Variants in CDH13 observed in about 807,000 individuals in gnomAD.
The protein encoded by CDH13 is cadherin 13, also known as cadherin-13.
In CDH13, 24 loss-of-function variants were observed where a neutral mutation model predicts 63.8. The ratio of observed to expected loss-of-function variants is 0.38; its 90% CI spans 0.27 to 0.53. The LOEUF (loss-of-function observed/expected upper bound fraction) is 0.53. CDH13 is among the 20% of genes least tolerant of loss of function. The pLI is 0.85. For synonymous variants in CDH13, 503 were observed against 355.3 expected (o/e 1.42, Z -4.67); for missense variants, 1,049 against 903.1 (o/e 1.16, Z -2.07).
At chr16:83,510,483 C>T (rs865883854) in intron 7 of CDH13, among the ~76,000 whole-genome samples, 6 of 152,120 alleles carry the variant, frequency 3.9e-5, no homozygotes, top group Admixed American at 1.3e-4. Flanking sequence ...TTTTCTTTTG[C>T]AAAGTTTTCA....
intron 7 of CDH13, among the ~76,000 whole-genome samples, chr16:83,593,057 C>T (rs1411172024): frequency 6.6e-6 from 1 of 152,184 alleles, no homozygotes; most frequent in African/African-American, 2.4e-5. Context: ...GACAACAACT[C>T]GTTCTGCTTC....
intron 1 of CDH13, among the ~76,000 whole-genome samples, chr16:82,708,765 C>T (rs537593263): frequency 1.3e-5 from 2 of 152,186 alleles, no homozygotes; most frequent in East Asian, 1.9e-4. Context: ...AATGGAGAAG[C>T]TGTCAGTTTT....
chr16:83,472,482 C>G (rs527653963), intron 6 of CDH13, among the ~76,000 whole-genome samples: 1 of 152,296 alleles, frequency 6.6e-6, no homozygotes, highest in South Asian at 2.1e-4. Flanking sequence ...GCCCCGGGAG[C>G]TGGCTTGTAG....
chr16:82,787,417 A>T (rs1255466072), intron 1 of CDH13, among the ~76,000 whole-genome samples: 1 of 152,192 alleles, frequency 6.6e-6, no homozygotes, highest in Non-Finnish European at 1.5e-5. Context: ...TTTGGAAGAA[A>T]TTTCCGTCAC....
chr16:83,424,138 A>C (rs150587646), intron 6 of CDH13, among the ~76,000 whole-genome samples: 7 of 152,062 alleles, frequency 4.6e-5, no homozygotes, highest in Non-Finnish European at 8.8e-5. Context: ...TAGAAGAGGG[A>C]AATCCAACAT....
chr16:83,443,216 A>G (rs913581912), intron 6 of CDH13, among the ~76,000 whole-genome samples: 15 of 152,208 alleles, frequency 9.9e-5, no homozygotes, highest in South Asian at 4.1e-4. Flanking sequence ...AGTGATGCTT[A>G]GAATGGTGGA....
chr16:83,520,402 G>T (rs1266189687), intron 7 of CDH13, among the ~76,000 whole-genome samples: 1 of 152,148 alleles, frequency 6.6e-6, no homozygotes, highest in Non-Finnish European at 1.5e-5. Flanking sequence ...AAGCCTGCTG[G>T]AGACTGGGAA....
At chr16:83,527,042 G>C (rs767256789) in intron 7 of CDH13, among the ~76,000 whole-genome samples, 1 of 151,952 alleles carries the variant, frequency 6.6e-6, no homozygotes, top group Non-Finnish European at 1.5e-5. Flanking sequence ...TGAGGCAGGA[G>C]ATCACTTGAA....
chr16:82,724,332 A>G (rs767200745), intron 1 of CDH13, among the ~76,000 whole-genome samples: 6 of 152,058 alleles, frequency 3.9e-5, no homozygotes, highest in Non-Finnish European at 8.8e-5. Flanking sequence ...AGTTTTATTA[A>G]TAATAGTTGT....
At chr16:83,005,952 T>A (rs890910370) in intron 2 of CDH13, among the ~76,000 whole-genome samples, 1 of 152,210 alleles carries the variant, frequency 6.6e-6, no homozygotes, top group Non-Finnish European at 1.5e-5. Context: ...GTTGGTTTTG[T>A]TCACTTGTTT....
chr16:83,341,658 GAAA>G (rs1198582722), intron 5 of CDH13, among the ~76,000 whole-genome samples: 3 of 152,188 alleles, frequency 2.0e-5, no homozygotes, highest in Non-Finnish European at 4.4e-5. Flanking sequence ...CTCATAGGAA[GAAA>G]ATGTCTTCAT....
intron 2 of CDH13, among the ~76,000 whole-genome samples, chr16:82,914,499 A>T (rs2041925203): frequency 6.6e-6 from 1 of 152,338 alleles, no homozygotes; most frequent in South Asian, 2.1e-4. Flanking sequence ...CTCAGTCATG[A>T]TTCCTGACCA....
intron 5 of CDH13, among the ~76,000 whole-genome samples, chr16:83,335,074 T>C (rs1385287072): frequency 6.6e-6 from 1 of 152,194 alleles, no homozygotes; most frequent in Non-Finnish European, 1.5e-5. Flanking sequence ...ACTTAAAAAA[T>C]CTTCCAATCA....
chr16:83,279,364 A>G (rs1272267999), intron 5 of CDH13, among the ~76,000 whole-genome samples: 1 of 152,176 alleles, frequency 6.6e-6, no homozygotes, highest in Non-Finnish European at 1.5e-5. Flanking sequence ...AATAGTCACA[A>G]TGCCGAGGGG....
At chr16:83,602,101 CAACAA>C (rs1907870139) in intron 7 of CDH13, among the ~76,000 whole-genome samples, 2 of 4,172 alleles carry the variant, frequency 4.8e-4, no homozygotes, top group African/African-American at 3.0e-3. Flanking sequence ...AAAAAAAGAA[CAACAA>C]CAAAAAAAAA....
At chr16:82,717,457 G>GCC (rs5818400) in intron 1 of CDH13, among the ~76,000 whole-genome samples, 4 of 140,544 alleles carry the variant, frequency 2.8e-5, no homozygotes, top group Non-Finnish European at 4.6e-5. Flanking sequence ...AAAAAAAAGA[G>GCC]CCCCCCCACT....
chr16:82,740,337 C>G lies in CDH13; in HGVS notation c.45+113200C>G, dbSNP rs552570596. On this transcript the variant is annotated intron_variant, in intron 1 of 13. Transcript: ENST00000567109. The stretch of plus-strand genomic sequence containing the variant: ...ACGTTCTCCATTTGGTGAAACTGGG[C>G]TACATTTAATCATCACAAACTTCAA... Among the ~76,000 whole-genome samples the G allele has an allele frequency of 3.4e-4, 52 of 152,264 alleles. No individual in the cohort carries two copies. In the South Asian group the frequency reaches 0.011, roughly 31 times the overall value.
intron 11 of CDH13, among the ~76,000 whole-genome samples, chr16:83,761,044 C>G (rs991095504): frequency 6.6e-6 from 1 of 152,206 alleles, no homozygotes; most frequent in Non-Finnish European, 1.5e-5. Context: ...TAACTTGCTA[C>G]ACACAGCTCA....
intron 5 of CDH13, among the ~76,000 whole-genome samples, chr16:83,315,174 A>G (rs960938273): frequency 6.6e-6 from 1 of 152,202 alleles, no homozygotes; most frequent in Non-Finnish European, 1.5e-5. Context: ...CATTTATCCT[A>G]AGCTCATATG....
Sources: gnomAD v4.1 joint callset for allele counts (sites outside exome capture counted in the v4.1 genomes callset) on GRCh38, gnomAD v4.1.1 for gene constraint, MANE v1.5 for transcripts, NCBI Gene and HGNC (gene_info 2026-07-23, HGNC 2026-07-21) for gene names.